STK40: variants seen among roughly 807,000 people sequenced by gnomAD.
STK40 encodes serine/threonine-protein kinase 40.
Under a neutral mutation model 47.9 loss-of-function variants are expected in STK40, and 13 were observed. The ratio of observed to expected loss-of-function variants is 0.27; its 90% CI spans 0.18 to 0.43. The LOEUF is 0.43. Among genes scored for constraint, STK40 ranks in the 20% least tolerant of loss-of-function variants. The pLI is 1.00. For synonymous variants in STK40, 225 were observed against 243.2 expected, an observed-to-expected ratio of 0.93 and a Z score of 0.69; for missense variants, 460 against 595.1, an observed-to-expected ratio of 0.77 and a Z score of 2.36.
intron 1 of STK40, 123 bp downstream of exon 1, chr1:36,385,600 C>G (rs2124757854): frequency 6.6e-6 from 1 of 152,478 alleles, no homozygotes; most frequent in Non-Finnish European, 1.5e-5. Context: ...TCGCCGGGGC[C>G]ATTTCTGCTG....
intron 1 of STK40, among the ~76,000 whole-genome samples, chr1:36,382,491 CT>C (rs1156511249): frequency 6.6e-6 from 1 of 152,114 alleles, no homozygotes; most frequent in Non-Finnish European, 1.5e-5. Flanking sequence ...CCCATGTATA[CT>C]TTAAAGTACT....
intron 7 of STK40, among the ~76,000 whole-genome samples, chr1:36,344,676 ACT>A (rs1426460218): frequency 6.6e-6 from 1 of 152,108 alleles, no homozygotes; most frequent in Non-Finnish European, 1.5e-5. Context: ...CCGGATGACT[ACT>A]TGCAGGTCCC....
At chr1:36,342,934 CCCCCACCCTAG>C in intron 10 of STK40, 1 of 520,746 alleles carries the variant, frequency 1.9e-6, no homozygotes, top group Non-Finnish European at 3.4e-6. Context: ...CAAGTCTCTG[CCCCCACCCTAG>C]GCCCAACACT....
At chr1:36,372,934 C>T (rs1362428328) in intron 1 of STK40, among the ~76,000 whole-genome samples, 1 of 152,180 alleles carries the variant, frequency 6.6e-6, no homozygotes, top group Non-Finnish European at 1.5e-5. Context: ...ACCTACAGAC[C>T]TGCTCTCCAT....
At chr1:36,350,004 G>A (rs11805734) in intron 6 of STK40, among the ~76,000 whole-genome samples, 15,027 of 152,204 alleles carry the variant, frequency 0.099, 886 homozygotes, top group Middle Eastern at 0.26. Context: ...GTGGCTGCTG[G>A]CGGATTTCCC....
intron 6 of STK40, among the ~76,000 whole-genome samples, chr1:36,349,363 G>A (rs2124729078): frequency 6.6e-6 from 1 of 152,328 alleles, no homozygotes; most frequent in South Asian, 2.1e-4. Context: ...ACTGACAGTG[G>A]CCAATGAGGG....
At chr1:36,345,757 G>A (rs1298726107) in intron 7 of STK40, among the ~76,000 whole-genome samples, 1 of 151,742 alleles carries the variant, frequency 6.6e-6, no homozygotes, top group African/African-American at 2.4e-5. Context: ...GGCTTAGGCA[G>A]GAAGGATCTG....
At position 36,340,126 on chromosome 1, in the gene STK40, A is replaced by T. The variant is rs1299641462; in HGVS notation, c.*1629T>A. The T allele has an allele frequency of 6.5e-6, 1 of 152,744 alleles. No individual in the cohort carries two copies. Among genetic ancestry groups the T allele is most frequent in the African/African-American group, 2.4e-5 (1 of 41,478 alleles). The allele number at this position is 152,744 out of a possible 1,614,324, so 9.5% of individuals were successfully genotyped here. On this transcript the variant is annotated 3_prime_UTR_variant, in exon 11 of 11. Transcript: ENST00000373132. Reference sequence around the variant, plus strand: ...AAGACCCTGGCCCTCAGCGCTGGACAGCTGAGACAGACGCAGGCTCGCTGC... The same window carrying T: ...AAGACCCTGGCCCTCAGCGCTGGACTGCTGAGACAGACGCAGGCTCGCTGC...
At chr1:36,348,675 C>T (rs1204531817) in intron 7 of STK40, 25 bp downstream of exon 7, 1 of 1,576,844 alleles carries the variant, frequency 6.3e-7, no homozygotes, top group South Asian at 1.2e-5. Context: ...AGCTTAGAGG[C>T]CCAATGTCTG....
At chr1:36,366,496 A>C (rs377729749) in intron 1 of STK40, among the ~76,000 whole-genome samples, 30 of 152,288 alleles carry the variant, frequency 2.0e-4, no homozygotes, top group African/African-American at 6.7e-4. Flanking sequence ...CAGGCTTACT[A>C]GTAGGGTGAG....
intron 1 of STK40, among the ~76,000 whole-genome samples, chr1:36,369,586 C>T (rs571678794): frequency 2.0e-5 from 3 of 152,324 alleles, no homozygotes; most frequent in African/African-American, 4.8e-5. Context: ...ATCCTTCTCC[C>T]TTGGTCCTCA....
intron 1 of STK40, among the ~76,000 whole-genome samples, chr1:36,370,207 T>C (rs1431375225): frequency 6.6e-6 from 1 of 152,260 alleles, no homozygotes; most frequent in Non-Finnish European, 1.5e-5. Context: ...ATTAAAACTG[T>C]TCATAACATG....
At position 36,341,490 on chromosome 1, in the gene STK40, G is replaced by A. The variant is rs1302279530; in HGVS notation, c.*265C>T. 1.0e-5 allele frequency: 5 copies of A among 496,860 alleles called. No homozygotes were observed. The highest frequency in any genetic ancestry group is 1.8e-5 in the Non-Finnish European group (5 of 272,326). The allele number at this position is 496,860 out of a possible 1,614,324, so 30.8% of individuals were successfully genotyped here. ...CAGAGACAGCATGGTTAAAGAGACA[G>A]AGGTAGATTAAAACATCGTGATTAA... On this transcript the variant is annotated 3_prime_UTR_variant, in exon 11 of 11. Transcript: ENST00000373132.
chr1:36,342,147 G>C (rs574876875), intron 10 of STK40, 174 bp from the exon 11 acceptor site: 1 of 642,018 alleles, frequency 1.6e-6, no homozygotes, highest in African/African-American at 1.8e-5. Context: ...GTGGGTCCCT[G>C]ACCCCCTCCA....
intron 1 of STK40, chr1:36,372,546 A>G (rs1210574104): frequency 6.6e-6 from 1 of 151,958 alleles, no homozygotes; most frequent in Non-Finnish European, 1.5e-5. Flanking sequence ...AGCTTTTTCA[A>G]TGCTGAATCC....
intron 6 of STK40, among the ~76,000 whole-genome samples, chr1:36,349,979 A>C (rs1646736465): frequency 1.3e-5 from 2 of 152,110 alleles, no homozygotes; most frequent in South Asian, 4.1e-4. Context: ...CAGCTCTCAG[A>C]GGCAGAGGGC....
In STK40 at chr1:36,340,735, C is replaced by T. The variant is rs1023879995; in HGVS notation, c.*1020G>A. On this transcript the variant is annotated 3_prime_UTR_variant, in exon 11 of 11. Transcript: ENST00000373132. ...ATGGAGGACCCTTGCTAGGGTCTAC[C>T]GGGAGAGTCACCACATCTATTATGA... is the stretch of plus-strand genomic sequence containing the variant. The T allele has an allele frequency of 3.9e-5, 6 of 152,594 alleles. No individual in the cohort carries two copies. Among genetic ancestry groups the T allele is most frequent in the East Asian group, 1.9e-4 (1 of 5,182 alleles). The allele number at this position is 152,594 out of a possible 1,614,324, so 9.5% of individuals were successfully genotyped here. A position where few individuals can be genotyped will look rare whatever the true frequency, so the allele number is the denominator to read the frequency against.
Position 36,353,878 on chromosome 1 carries a change from T to C in STK40, c.623+486A>G, listed in dbSNP as rs116557353. Reference sequence around the variant, plus strand: ...AGTCTGTTTCCTGAGGAAATTGACCTATGGCAAGGCATCATTTTGCTCGTT... The same window carrying C: ...AGTCTGTTTCCTGAGGAAATTGACCCATGGCAAGGCATCATTTTGCTCGTT... On this transcript the variant is annotated intron_variant, in intron 6 of 10. Coordinates refer to ENST00000373132, the MANE Select transcript of STK40 (RefSeq NM_001282547.2). Among the ~76,000 whole-genome samples the C allele has an allele frequency of 3.9e-3, 598 of 152,336 alleles. 1 individual carries two copies. Among genetic ancestry groups the C allele is most frequent in the African/African-American group, 0.014 (583 of 41,576 alleles).
At chr1:36,358,934 T>G in intron 2 of STK40, 112 bp from the exon 3 acceptor site, 5 of 1,200,388 alleles carry the variant, frequency 4.2e-6, no homozygotes, top group Non-Finnish European at 6.0e-6. Context: ...CCATAGCTCA[T>G]GTGTACTGGA....
Sources: gnomAD v4.1 joint callset for allele counts (sites outside exome capture counted in the v4.1 genomes callset) on GRCh38, gnomAD v4.1.1 for gene constraint, MANE v1.5 for transcripts, NCBI Gene and HGNC (gene_info 2026-07-23, HGNC 2026-07-21) for gene names.